Variants in PTPRN2 observed in about 807,000 individuals in gnomAD.
PTPRN2 encodes protein tyrosine phosphatase receptor type N2.
In PTPRN2, 74 loss-of-function variants were observed where a neutral mutation model predicts 118.8. The observed-to-expected ratio is 0.62, with a 90% CI of 0.52 to 0.76. PTPRN2 has a LOEUF of 0.76. PTPRN2 is among the 30% of genes least tolerant of loss of function. The pLI is 0.00. For missense variants in PTPRN2, 1,481 were observed against 1,394.4 expected (o/e 1.06, Z -0.99); for synonymous variants, 641 against 608.0 (o/e 1.05, Z -0.80).
chr7:157,684,926 G>T (rs1797100897), intron 12 of PTPRN2, among the ~76,000 whole-genome samples: 1 of 151,946 alleles, frequency 6.6e-6, no homozygotes, highest in Non-Finnish European at 1.5e-5. Context: ...GACCCCGGAT[G>T]CGAGAGGCGT....
chr7:157,863,279 C>T (rs558884175), intron 12 of PTPRN2: 3 of 152,362 alleles, frequency 2.0e-5, no homozygotes, highest in East Asian at 1.9e-4. Flanking sequence ...GGCACCCTCT[C>T]GGCCTGCTGT....
chr7:158,299,486 T>TG (rs1196808573), intron 3 of PTPRN2, among the ~76,000 whole-genome samples: 1 of 152,038 alleles, frequency 6.6e-6, no homozygotes, highest in Admixed American at 6.5e-5. Flanking sequence ...TTAGTAGAGA[T>TG]GGGGTTTCAC....
chr7:158,559,331 C>T (rs1274531744), intron 1 of PTPRN2, among the ~76,000 whole-genome samples: 1 of 152,180 alleles, frequency 6.6e-6, no homozygotes, highest in Non-Finnish European at 1.5e-5. Flanking sequence ...AATATTTTAA[C>T]GATCCATATG....
chr7:158,356,630 A>T (rs1808403728), intron 2 of PTPRN2, among the ~76,000 whole-genome samples: 2 of 152,130 alleles, frequency 1.3e-5, no homozygotes, highest in Non-Finnish European at 2.9e-5. Flanking sequence ...GCTGATGCTG[A>T]GCAGGCACCA....
intron 4 of PTPRN2, among the ~76,000 whole-genome samples, chr7:158,194,774 A>G (rs1009602207): frequency 6.6e-6 from 1 of 152,242 alleles, no homozygotes; most frequent in Non-Finnish European, 1.5e-5. Context: ...TCGTTAGGGC[A>G]AGAAGCCCAA....
chr7:158,140,973 G>A (rs1215258900), intron 6 of PTPRN2, among the ~76,000 whole-genome samples: 6 of 152,106 alleles, frequency 3.9e-5, no homozygotes, highest in Admixed American at 6.5e-5. Flanking sequence ...CTTCCCGAAC[G>A]ACACCGGCAG....
At chr7:157,850,351 G>C (rs1410119160) in intron 12 of PTPRN2, among the ~76,000 whole-genome samples, 1 of 150,272 alleles carries the variant, frequency 6.7e-6, no homozygotes, top group Admixed American at 6.6e-5. Flanking sequence ...CTCGCGTAAG[G>C]GATCCCAGGT....
At chr7:158,070,395 TC>T (rs1811155099) in intron 11 of PTPRN2, among the ~76,000 whole-genome samples, 1 of 111,934 alleles carries the variant, frequency 8.9e-6, no homozygotes, top group African/African-American at 3.5e-5. Flanking sequence ...GTGGAGGTGC[TC>T]GTGGTGGTGG....
Position 157,615,667 on chromosome 7 carries a change from A to C in PTPRN2, c.2344+5695T>G. 1 of 460,498 alleles carries C rather than the reference A, an allele frequency of 2.2e-6. No homozygotes were observed. Among genetic ancestry groups the C allele is most frequent in the Non-Finnish European group, 4.6e-6 (1 of 218,482 alleles). 28.5% of individuals were successfully genotyped at this position (460,498 alleles called of 1,614,324 possible). A position where few individuals can be genotyped will look rare whatever the true frequency, so the allele number is the denominator to read the frequency against. Reference sequence around the variant, plus strand: ...TTTTATCAATGACTTGACGACGTGAAAAACATGTTTATAAAACGAGCAGAT... The same window carrying C: ...TTTTATCAATGACTTGACGACGTGACAAACATGTTTATAAAACGAGCAGAT... On this transcript the variant is annotated intron_variant, in intron 15 of 22. Coordinates refer to ENST00000389418, the MANE Select transcript of PTPRN2 (RefSeq NM_002847.5). The surrounding 1 kb of genome is among the most constrained non-coding windows in gnomAD (Gnocchi z 4.3).
chr7:158,164,536 GTAGGGAAGGCGCGCA>G (rs370497031), intron 6 of PTPRN2, among the ~76,000 whole-genome samples: 132,341 of 149,298 alleles, frequency 0.89, 58,906 homozygotes, highest in African/African-American at 0.96. Context: ...GAGCGCGCAC[GTAGGGAAGGCGCGCA>G]CGTAGGGAAG....
At chr7:157,796,000 G>A (rs1265953989) in intron 12 of PTPRN2, among the ~76,000 whole-genome samples, 1 of 152,236 alleles carries the variant, frequency 6.6e-6, no homozygotes, top group South Asian at 2.1e-4. Context: ...GCCCTATGGT[G>A]CACACCCCTA....
At chr7:158,027,476 C>T (rs1048077117) in intron 11 of PTPRN2, 3 of 152,294 alleles carry the variant, frequency 2.0e-5, no homozygotes, top group Admixed American at 6.5e-5. Context: ...TTGGCCAAAT[C>T]GTGAGTTCCA....
chr7:157,962,354 A>C (rs1801604221), intron 11 of PTPRN2, among the ~76,000 whole-genome samples: 1 of 150,720 alleles, frequency 6.6e-6, no homozygotes, highest in Non-Finnish European at 1.5e-5. Context: ...TTATTCCCCC[A>C]GCGGGAGCGT....
At chr7:157,951,624 C>G (rs180980574) in intron 11 of PTPRN2, among the ~76,000 whole-genome samples, 1 of 152,192 alleles carries the variant, frequency 6.6e-6, no homozygotes, top group Admixed American at 6.5e-5. Flanking sequence ...CCTTACTAAA[C>G]GATGTTCCCG....
intron 11 of PTPRN2, among the ~76,000 whole-genome samples, chr7:157,970,336 C>A (rs182415892): frequency 6.6e-6 from 1 of 152,212 alleles, no homozygotes; most frequent in Admixed American, 6.5e-5. Context: ...CTCATTAGAC[C>A]CACACACTGT....
At chr7:158,332,505 C>T (rs1443947784) in intron 2 of PTPRN2, among the ~76,000 whole-genome samples, 1 of 149,198 alleles carries the variant, frequency 6.7e-6, no homozygotes, top group East Asian at 2.0e-4. Context: ...ACACTCTCAC[C>T]ATAAGAGCTG....
chr7:158,132,435 CAT>C (rs1818421378), intron 9 of PTPRN2, among the ~76,000 whole-genome samples: 1 of 146,490 alleles, frequency 6.8e-6, no homozygotes, highest in African/African-American at 2.6e-5. Context: ...CTCATACACA[CAT>C]ACATATGCAC....
At chr7:157,941,129 C>T (rs1210535244) in intron 11 of PTPRN2, among the ~76,000 whole-genome samples, 1 of 74,440 alleles carries the variant, frequency 1.3e-5, no homozygotes, top group Non-Finnish European at 2.4e-5. Context: ...CGTGACACTG[C>T]AAATCTAACA....
chr7:158,249,084 CCACACATATGCACACATCACA>C (rs1796476518), intron 3 of PTPRN2, among the ~76,000 whole-genome samples: 1 of 151,490 alleles, frequency 6.6e-6, no homozygotes, highest in African/African-American at 2.4e-5. Flanking sequence ...ACCACACACA[CCACACATATGCACACATCACA>C]CACACACATG....
Sources: gnomAD v4.1 joint callset for allele counts (sites outside exome capture counted in the v4.1 genomes callset) on GRCh38, gnomAD v4.1.1 for gene constraint, Gnocchi (gnomAD v3.1) non-coding constraint, MANE v1.5 for transcripts, NCBI Gene and HGNC (gene_info 2026-07-23, HGNC 2026-07-21) for gene names.